Variants in DIPK1A observed in about 807,000 individuals in gnomAD.
DIPK1A encodes divergent protein kinase domain 1A.
Under a neutral mutation model 40.8 loss-of-function variants are expected in DIPK1A, and 27 were observed. The observed-to-expected ratio is 0.66, with a 90% CI of 0.49 to 0.91. The LOEUF (loss-of-function observed/expected upper bound fraction) is 0.91. DIPK1A is among the 40% of genes least tolerant of loss of function. The pLI, the probability that DIPK1A is intolerant of heterozygous loss-of-function variation, is 0.00. For missense variants in DIPK1A, 412 were observed against 505.7 expected (o/e 0.81, Z 1.78); for synonymous variants, 166 against 171.3 (o/e 0.97, Z 0.24).
At chr1:92,944,872 AG>A (rs1218823400) in intron 1 of DIPK1A, among the ~76,000 whole-genome samples, 1 of 152,144 alleles carries the variant, frequency 6.6e-6, no homozygotes, top group Non-Finnish European at 1.5e-5. Context: ...CCTGGGCTCA[AG>A]TGATCCTCCT....
At chr1:92,938,081 G>A (rs1651010830) in intron 1 of DIPK1A, among the ~76,000 whole-genome samples, 1 of 152,168 alleles carries the variant, frequency 6.6e-6, no homozygotes. Flanking sequence ...ACTGCAGCCT[G>A]GGCAACGTGG....
At chr1:92,837,213 G>A (rs1482804765), downstream of DIPK1A, 1 of 670,518 alleles carries the variant, frequency 1.5e-6, no homozygotes, top group Non-Finnish European at 2.8e-6. Context: ...TTGTAGTGGT[G>A]GAAAGCCTTG....
At chr1:92,851,546 A>AAAAAAAAAAC (rs1687821084) in intron 2 of DIPK1A, among the ~76,000 whole-genome samples, 1 of 93,486 alleles carries the variant, frequency 1.1e-5, no homozygotes, top group African/African-American at 3.4e-5. Context: ...CTATCTCAAA[A>AAAAAAAAAAC]AAAAAAAAAA....
At chr1:92,961,316 C>G in intron 1 of DIPK1A, 60 bp downstream of exon 1, 8 of 1,312,282 alleles carry the variant, frequency 6.1e-6, no homozygotes, top group Non-Finnish European at 8.2e-6. Context: ...TCCTGCGCGG[C>G]GCGGCAGGGC....
chr1:92,836,499 C>T, intron 4 of DIPK1A: 3 of 974,270 alleles, frequency 3.1e-6, no homozygotes, highest in African/African-American at 1.6e-5. Flanking sequence ...AATTGAATGC[C>T]TGCTGTATGC....
chr1:92,948,730 A>AATATATATGTATATATACATATATATGT, intron 1 of DIPK1A, among the ~76,000 whole-genome samples: 2 of 114,784 alleles, frequency 1.7e-5, no homozygotes, highest in South Asian at 2.4e-4. Flanking sequence ...TTTTATATTT[A>AATATATATGTATATATACATATATATGT]ATATATATGT....
intron 1 of DIPK1A, among the ~76,000 whole-genome samples, chr1:92,915,467 A>G (rs1650015978): frequency 6.6e-6 from 1 of 152,244 alleles, no homozygotes; most frequent in Non-Finnish European, 1.5e-5. Context: ...GATGCAGTGT[A>G]GTAAAGGAAA....
chr1:92,875,277 A>G (rs901025836), intron 2 of DIPK1A, among the ~76,000 whole-genome samples: 2 of 152,174 alleles, frequency 1.3e-5, no homozygotes, highest in African/African-American at 4.8e-5. Flanking sequence ...GCTCCCTGTT[A>G]TATGCATACA....
intron 1 of DIPK1A, among the ~76,000 whole-genome samples, chr1:92,916,844 A>G (rs1405912319): frequency 6.6e-6 from 1 of 152,192 alleles, no homozygotes; most frequent in African/African-American, 2.4e-5. Context: ...TTTTGCTGCA[A>G]AACTCTCAGA....
chr1:92,833,733 G>A, intron 4 of DIPK1A: 1 of 1,224,820 alleles, frequency 8.2e-7, no homozygotes, highest in Non-Finnish European at 1.2e-6. Context: ...AGCACATGGT[G>A]TGTGTGTTAG....
chr1:92,911,249 A>T (rs759407917), intron 1 of DIPK1A, among the ~76,000 whole-genome samples: 3 of 152,178 alleles, frequency 2.0e-5, no homozygotes, highest in African/African-American at 4.8e-5. Context: ...CATTAATTGG[A>T]TTAATGCTCT....
At chr1:92,904,896 C>G (rs1470187857) in intron 1 of DIPK1A, among the ~76,000 whole-genome samples, 1 of 152,152 alleles carries the variant, frequency 6.6e-6, no homozygotes, top group Non-Finnish European at 1.5e-5. Flanking sequence ...TAAGTGAGAA[C>G]ATGTGAAGTT....
chr1:92,925,619 G>A (rs1194426674), intron 1 of DIPK1A, among the ~76,000 whole-genome samples: 3 of 151,830 alleles, frequency 2.0e-5, no homozygotes, highest in South Asian at 4.2e-4. Flanking sequence ...TCAGCCTCCC[G>A]AGTAGCTGGG....
chr1:92,860,646 A>AAAAAAAAAAAAGGTG (rs148916481), intron 2 of DIPK1A, among the ~76,000 whole-genome samples: 3 of 105,208 alleles, frequency 2.9e-5, no homozygotes, highest in African/African-American at 1.1e-4. Context: ...AAAAAAAAAA[A>AAAAAAAAAAAAGGTG]TGGTGGTGTG....
intron 2 of DIPK1A, among the ~76,000 whole-genome samples, chr1:92,856,534 C>T (rs111602332): frequency 0.018 from 2,707 of 152,218 alleles, 79 homozygotes; most frequent in African/African-American, 0.061. Flanking sequence ...TCTCCTGCCT[C>T]GGCCTCCCAA....
At chr1:92,840,659 GTCTTT>G, downstream of DIPK1A, 1 of 1,556,288 alleles carries the variant, frequency 6.4e-7, no homozygotes, top group Middle Eastern at 1.7e-4. Context: ...CTTTTTTTTT[GTCTTT>G]TCAAGAAAAC....
chr1:92,877,079 A>G, intron 1 of DIPK1A: 1 of 985,246 alleles, frequency 1.0e-6, no homozygotes. Flanking sequence ...GTTAAGATAT[A>G]TTAAAAATAA....
At chr1:92,943,621 G>A (rs1005188758) in intron 1 of DIPK1A, among the ~76,000 whole-genome samples, 1 of 152,122 alleles carries the variant, frequency 6.6e-6, no homozygotes, top group African/African-American at 2.4e-5. Flanking sequence ...GGCTTCTAGT[G>A]TGGGTATGTA....
At chr1:92,881,640 C>T (rs1194386213) in intron 1 of DIPK1A, among the ~76,000 whole-genome samples, 3 of 152,104 alleles carry the variant, frequency 2.0e-5, no homozygotes, top group Non-Finnish European at 2.9e-5. Flanking sequence ...AATGGTAAAA[C>T]ACTATTTCAA....
Sources: gnomAD v4.1 joint callset for allele counts (sites outside exome capture counted in the v4.1 genomes callset) on GRCh38, gnomAD v4.1.1 for gene constraint, MANE v1.5 for transcripts, NCBI Gene and HGNC (gene_info 2026-07-23, HGNC 2026-07-21) for gene names.